Variants in PLD2 observed in about 807,000 individuals in gnomAD.
PLD2 encodes phospholipase D2.
PLD2 carries 101 observed loss-of-function variants against 119.8 expected under a neutral mutation model. The observed-to-expected ratio is 0.84, with a 90% CI of 0.72 to 0.99. The LOEUF (loss-of-function observed/expected upper bound fraction) is 0.99, where lower values mean the gene tolerates loss of function less well. Among genes scored for constraint, PLD2 ranks in the 50% least tolerant of loss-of-function variants. The pLI is 0.00. For synonymous variants in PLD2, 494 were observed against 482.8 expected (o/e 1.02, Z -0.30); for missense variants, 1,164 against 1,226.8 (o/e 0.95, Z 0.76).
intron 18 of PLD2, 80 bp downstream of exon 18, chr17:4,818,186 T>C (rs1179646633): frequency 7.1e-6 from 10 of 1,417,618 alleles, no homozygotes; most frequent in East Asian, 6.8e-5. Context: ...GAGTCAGTCA[T>C]TGAGGGCTGG....
intron 10 of PLD2, among the ~76,000 whole-genome samples, 191 bp downstream of exon 10, chr17:4,811,142 T>C (rs994493086): frequency 2.0e-5 from 3 of 151,934 alleles, no homozygotes; most frequent in Admixed American, 2.0e-4. Context: ...CGCCGACCTT[T>C]CTGACCCCCA....
Position 4,822,784 on chromosome 17 carries a change from C to A in PLD2, c.2722C>A (p.Leu908Ile), listed in dbSNP as rs534071621. 2.5e-6 allele frequency: 4 copies of A among 1,613,916 alleles called. No individual in the cohort carries two copies. The Admixed American group carries it at 5.0e-5, about 20-fold the overall frequency. Residue 908 changes from leucine to isoleucine, a missense_variant, in exon 25 of 25, where the codon CTC (leucine) becomes ATC (isoleucine). Coordinates refer to ENST00000263088, the MANE Select transcript of PLD2 (RefSeq NM_002663.5). ...CCAGGGCCACCTGGTCCACTTCCCC[C>A]TCAAGTTCCTAGAGGATGAGTCTTT... ...QVQGHLVHFP[L>I]KFLEDESLLP...
Position 4,819,144 on chromosome 17 carries a change from G to T in PLD2, c.2234G>T (p.Gly745Val). The T allele has an allele frequency of 6.2e-7, 1 of 1,614,176 alleles. No homozygotes were observed. The highest frequency in any genetic ancestry group is 8.5e-7 in the Non-Finnish European group (1 of 1,180,032). ...ICGLRTHGEL[G>V]GHPVSELIYI... is the part of the protein sequence containing the mutation. ...GGGCTTCGTACACACGGAGAGCTGG[G>T]CGGGCACCCCGTCTCGGAGCTCATC... The change falls in exon 22 of 25, where the codon GGC (glycine) becomes GTC (valine). Residue 745 changes from glycine (G) to valine (V), a missense_variant. Transcript: ENST00000263088. The surrounding 1 kb of genome is among the most constrained non-coding windows in gnomAD (Gnocchi z 4.2).
In PLD2 at chr17:4,819,302, C is replaced by G. The variant is rs1158122153; in HGVS notation, c.2308+84C>G. 9 of 1,596,840 alleles carry G rather than the reference C, an allele frequency of 5.6e-6. No individual in the cohort carries two copies. Among genetic ancestry groups the G allele is most frequent in the Non-Finnish European group, 7.7e-6 (9 of 1,169,092 alleles). ...AGAGGCAGGATGACAGAGACTGCAG[C>G]TGAGGCTCGTGTAGGGGTGGAGGGT... On this transcript the variant is annotated intron_variant, in intron 22 of 24. Transcript: ENST00000263088. The surrounding 1 kb of genome is among the most constrained non-coding windows in gnomAD (Gnocchi z 4.2).
At chr17:4,817,322 C>T in intron 17 of PLD2, 63 bp downstream of exon 17, 2 of 1,051,254 alleles carry the variant, frequency 1.9e-6, no homozygotes, top group Non-Finnish European at 3.0e-6. Flanking sequence ...CCCCAACCCA[C>T]TCTCCCTGGT....
intron 9 of PLD2, 120 bp from the exon 10 acceptor site, chr17:4,810,682 C>A: frequency 3.2e-6 from 3 of 951,812 alleles, no homozygotes; most frequent in Non-Finnish European, 3.2e-6. Context: ...TACATACACG[C>A]CCTATCCCTG....
At chr17:4,820,770 G>C (rs1452442543) in intron 23 of PLD2, among the ~76,000 whole-genome samples, 1 of 146,264 alleles carries the variant, frequency 6.8e-6, no homozygotes, top group Non-Finnish European at 1.5e-5. Flanking sequence ...TAGAGACGGG[G>C]TTTCACCGTG....
At position 4,811,449 on chromosome 17, in the gene PLD2, G is replaced by A. The variant is rs990390684; in HGVS notation, c.1010+498G>A. On this transcript the variant is annotated intron_variant, in intron 10 of 24. Coordinates refer to ENST00000263088, the MANE Select transcript of PLD2 (RefSeq NM_002663.5). ...CCACCACCACACCTGGCTAATTTTT[G>A]TATTTTTAGTAGAGACGGGGGTTTC... 2.7e-5 allele frequency among the ~76,000 whole-genome samples: 3 copies of A among 109,108 alleles called. No individual in the cohort carries two copies. In the South Asian group the frequency reaches 1.1e-3, roughly 41 times the overall value. The allele number at this position is 109,108 out of a possible 152,430, so 71.6% of individuals were successfully genotyped here. A position where few individuals can be genotyped will look rare whatever the true frequency, so the allele number is the denominator to read the frequency against.
At chr17:4,814,523 C>G (rs759686463) in intron 11 of PLD2, 22 bp downstream of exon 11, 4 of 1,612,736 alleles carry the variant, frequency 2.5e-6, no homozygotes, top group Admixed American at 3.4e-5. Flanking sequence ...AAGGCCCCAA[C>G]AACATGGGGC....
chr17:4,810,686 A>T, intron 9 of PLD2, 116 bp from the exon 10 acceptor site: 1 of 984,896 alleles, frequency 1.0e-6, no homozygotes, highest in Non-Finnish European at 1.5e-6. Context: ...TACACGCCCT[A>T]TCCCTGTGCA....
At chr17:4,815,607 C>A in intron 13 of PLD2, 21 bp downstream of exon 13, 2 of 1,593,194 alleles carry the variant, frequency 1.3e-6, no homozygotes, top group Non-Finnish European at 1.7e-6. Context: ...GCCTCAGAGA[C>A]CCTCCCACAT....
chr17:4,816,086 A>C (rs1274449444), intron 14 of PLD2, 152 bp downstream of exon 14: 13 of 664,036 alleles, frequency 2.0e-5, no homozygotes, highest in South Asian at 3.6e-5. Context: ...ACCCACTTTG[A>C]AAGTGCTGTA....
Position 4,809,862 on chromosome 17 carries a change from G to C in PLD2, c.708-15G>C, listed in dbSNP as rs752178757. ...TTGAGGGCAGAGAGGAACACACGGA[G>C]CCCTTCTGCTCTAGGTGGCTGGTGG... On this transcript the variant is annotated splice_polypyrimidine_tract_variant and intron_variant, in intron 8 of 24. Coordinates refer to ENST00000263088, the MANE Select transcript of PLD2 (RefSeq NM_002663.5). 2.2e-5 allele frequency: 36 copies of C among 1,614,062 alleles called. No homozygotes were observed. The highest frequency in any genetic ancestry group is 2.6e-5 in the Non-Finnish European group (31 of 1,180,022).
chr17:4,815,860 G>C lies in PLD2; in HGVS notation c.1381G>C (p.Ala461Pro). The part of the protein sequence containing the change: ...VVAFLGGLDL[A>P]YGRWDDLHYR... ...AGCATTCCTGGGGGGACTGGACCTT[G>C]CCTATGGCCGCTGGGATGACCTGCA... The change falls in exon 14 of 25, where the codon GCC (alanine) becomes CCC (proline). Residue 461 changes from alanine (A) to proline (P), a missense_variant. Coordinates refer to ENST00000263088, the MANE Select transcript of PLD2 (RefSeq NM_002663.5). The C allele has an allele frequency of 6.2e-7, 1 of 1,614,116 alleles. No homozygotes were observed. Among genetic ancestry groups the C allele is most frequent in the East Asian group, 2.2e-5 (1 of 44,862 alleles).
In PLD2 at chr17:4,807,781, G is replaced by A; in HGVS notation, c.9G>A (p.Ala3=). MT[A]TPESLFPTGD... ...TTCCCAATGTTCCTAGGATGACGGC[G>A]ACCCCTGAGAGCCTCTTCCCCACTG... Residue 3 remains alanine, a synonymous_variant, in exon 2 of 25, where the codon GCG becomes GCA. Transcript: ENST00000263088. The surrounding 1 kb of genome is among the most constrained non-coding windows in gnomAD (Gnocchi z 5.4). 1.3e-6 allele frequency: 2 copies of A among 1,599,610 alleles called. No homozygotes were observed. The highest frequency in any genetic ancestry group is 1.1e-5 in the South Asian group (1 of 90,852).
intron 24 of PLD2, 134 bp from the exon 25 acceptor site, chr17:4,822,501 AAAGAG>A: frequency 1.7e-6 from 1 of 598,562 alleles, no homozygotes; most frequent in Non-Finnish European, 2.9e-6. Context: ...TCAAAAAAAA[AAAGAG>A]AGAGAGAGTT....
At position 4,809,771 on chromosome 17, in the gene PLD2, G is replaced by A. The variant is rs1361542635; in HGVS notation, c.695G>A (p.Arg232His). 38 of 1,614,022 alleles carry A rather than the reference G, an allele frequency of 2.4e-5. No individual in the cohort carries two copies. Among genetic ancestry groups the A allele is most frequent in the South Asian group, 1.9e-4 (17 of 91,076 alleles). The change falls in exon 8 of 25, where the codon CGC becomes CAC. Residue 232 changes from arginine to histidine, a missense_variant. Coordinates refer to ENST00000263088, the MANE Select transcript of PLD2 (RefSeq NM_002663.5). The part of the protein sequence containing the change: ...TCCGRDQVCY[R>H]WSKRWLVVKD... ...TGTGGCCGAGACCAAGTTTGTTATC[G>A]CTGGTCCAAGAGGTACGGGCTATGG...
chr17:4,822,502 A>AAG, intron 24 of PLD2, 138 bp from the exon 25 acceptor site: 4 of 582,912 alleles, frequency 6.9e-6, no homozygotes, highest in Non-Finnish European at 1.2e-5. Context: ...CAAAAAAAAA[A>AAG]AGAGAGAGAG....
chr17:4,822,799 G>A lies in PLD2; in HGVS notation c.2737G>A (p.Asp913Asn), dbSNP rs773773335. ...LVHFPLKFLE[D>N]ESLLPPLGSK... ...CCACTTCCCCCTCAAGTTCCTAGAG[G>A]ATGAGTCTTTGCTGCCCCCGCTGGG... Residue 913 changes from aspartate (D) to asparagine (N), a missense_variant, in exon 25 of 25, where the codon GAT (aspartate) becomes AAT (asparagine). Asp to Asn is a conservative substitution (Grantham distance 23). Coordinates refer to ENST00000263088, the MANE Select transcript of PLD2 (RefSeq NM_002663.5). The A allele has an allele frequency of 3.7e-6, 6 of 1,613,870 alleles. No individual in the cohort carries two copies. Among genetic ancestry groups the A allele is most frequent in the Non-Finnish European group, 5.1e-6 (6 of 1,179,858 alleles).
Sources: gnomAD v4.1 joint callset for allele counts (sites outside exome capture counted in the v4.1 genomes callset) on GRCh38, gnomAD v4.1.1 for gene constraint, Gnocchi (gnomAD v3.1) non-coding constraint, MANE v1.5 for transcripts, NCBI Gene and HGNC (gene_info 2026-07-23, HGNC 2026-07-21) for gene names.